The following RBMS3 variants were observed in gnomAD, a reference collection of about 807,000 sequenced individuals.
RBMS3 encodes RNA-binding motif, single-stranded-interacting protein 3.
RBMS3 carries 27 observed loss-of-function variants against 66.8 expected under a neutral mutation model. The observed-to-expected ratio is 0.40, with a 90% CI of 0.30 to 0.56. The LOEUF (loss-of-function observed/expected upper bound fraction) is 0.56. Ranked by LOEUF, RBMS3 falls within the 20% of genes least tolerant of loss-of-function variation. The pLI, the probability that RBMS3 is intolerant of heterozygous loss-of-function variation, is 0.40. For missense variants in RBMS3, 513 were observed against 549.5 expected (o/e 0.93, Z 0.66); for synonymous variants, 188 against 183.0 (o/e 1.03, Z -0.22).
Position 29,446,085 on chromosome 3 carries a change from A to G in RBMS3, c.248+11170A>G, listed in dbSNP as rs6808609. On this transcript the variant is annotated intron_variant, in intron 2 of 14. Coordinates refer to ENST00000383767, the MANE Select transcript of RBMS3 (RefSeq NM_001003793.3). ...ATAATCATATTCTAAGAAGTCCACA[A>G]TTTAAAATCATCCTACTTAAGAAAA... Among the ~76,000 whole-genome samples, 348 of 152,288 alleles carry G rather than the reference A, an allele frequency of 2.3e-3. 2 individuals are homozygous for G. Among genetic ancestry groups the G allele is most frequent in the African/African-American group, 8.1e-3 (336 of 41,584 alleles).
At chr3:29,461,785 A>G (rs552321570) in intron 2 of RBMS3, among the ~76,000 whole-genome samples, 2 of 150,838 alleles carry the variant, frequency 1.3e-5, no homozygotes, top group African/African-American at 2.4e-5. Context: ...ACGGAGTCTC[A>G]CTCTGTCACC....
chr3:29,738,226 A>T (rs1392586256), intron 4 of RBMS3, among the ~76,000 whole-genome samples: 2 of 152,154 alleles, frequency 1.3e-5, no homozygotes, highest in Non-Finnish European at 2.9e-5. Context: ...GTAAATATCT[A>T]ATAATATGAT....
intron 4 of RBMS3, among the ~76,000 whole-genome samples, chr3:29,686,206 C>G (rs2051726154): frequency 6.6e-6 from 1 of 152,140 alleles, no homozygotes; most frequent in Admixed American, 6.5e-5. Flanking sequence ...TTAACCATAT[C>G]TCTATTACTC....
At chr3:29,974,426 A>C (rs1466448105) in intron 12 of RBMS3, among the ~76,000 whole-genome samples, 1 of 151,842 alleles carries the variant, frequency 6.6e-6, no homozygotes, top group African/African-American at 2.4e-5. Flanking sequence ...GTTTTCTGTC[A>C]GTTTTTTAAA....
chr3:29,957,517 G>T (rs1025393708), intron 12 of RBMS3, among the ~76,000 whole-genome samples: 1 of 152,118 alleles, frequency 6.6e-6, no homozygotes, highest in Non-Finnish European at 1.5e-5. Context: ...GGATAGGAAA[G>T]ACTCATGACA....
At chr3:29,797,305 C>T (rs1282798279) in intron 6 of RBMS3, among the ~76,000 whole-genome samples, 1 of 152,218 alleles carries the variant, frequency 6.6e-6, no homozygotes, top group Non-Finnish European at 1.5e-5. Context: ...CCTTAAACCT[C>T]ATGAACCAGA....
At chr3:29,291,844 A>T (rs904641059) in intron 1 of RBMS3, among the ~76,000 whole-genome samples, 3 of 151,546 alleles carry the variant, frequency 2.0e-5, no homozygotes, top group Admixed American at 6.6e-5. Context: ...TATCACTCTC[A>T]CAAGTGGTTG....
intron 10 of RBMS3, among the ~76,000 whole-genome samples, chr3:29,908,563 TAG>T (rs975415372): frequency 7.9e-5 from 12 of 152,138 alleles, no homozygotes; most frequent in Non-Finnish European, 1.6e-4. Context: ...TAAGAATGTA[TAG>T]AGTTTTTAAT....
intron 1 of RBMS3, among the ~76,000 whole-genome samples, chr3:29,379,930 G>A (rs750886504): frequency 2.6e-5 from 4 of 152,104 alleles, no homozygotes; most frequent in Non-Finnish European, 5.9e-5. Flanking sequence ...ACTTAATTTA[G>A]TCAGTATAGT....
chr3:29,323,789 T>A (rs1414173369), intron 1 of RBMS3, among the ~76,000 whole-genome samples: 1 of 151,836 alleles, frequency 6.6e-6, no homozygotes, highest in East Asian at 1.9e-4. Context: ...CTTCATATAA[T>A]TCACACCCCT....
chr3:29,888,342 T>G (rs2059921778), intron 8 of RBMS3, among the ~76,000 whole-genome samples: 1 of 151,690 alleles, frequency 6.6e-6, no homozygotes, highest in African/African-American at 2.4e-5. Flanking sequence ...ATCTCTAATA[T>G]CATGTAATAA....
Position 29,316,035 on chromosome 3 carries a change from T to C in RBMS3, c.75+34279T>C, listed in dbSNP as rs577746798. ...AAATGCTCTGTTGGCTACCTCTTAT[T>C]GGTTTTGATAGGTATTACCGGGGTG... On this transcript the variant is annotated intron_variant, in intron 1 of 14. Transcript: ENST00000383767. Among the ~76,000 whole-genome samples the C allele has an allele frequency of 2.0e-5, 3 of 151,888 alleles. No individual in the cohort carries two copies. In the South Asian group the frequency reaches 6.2e-4, roughly 31 times the overall value.
At chr3:29,298,954 A>G (rs1041631487) in intron 1 of RBMS3, among the ~76,000 whole-genome samples, 1 of 151,856 alleles carries the variant, frequency 6.6e-6, no homozygotes, top group Non-Finnish European at 1.5e-5. Flanking sequence ...CAGGAGTTAT[A>G]ACACGATTCT....
intron 10 of RBMS3, among the ~76,000 whole-genome samples, chr3:29,911,219 C>T (rs1261017171): frequency 6.6e-6 from 1 of 151,946 alleles, no homozygotes; most frequent in Non-Finnish European, 1.5e-5. Flanking sequence ...AGGAAGGGTG[C>T]TCTGAGCAAA....
In RBMS3 at chr3:29,576,336, G is replaced by A. The variant is rs531905257; in HGVS notation, c.308-10778G>A. 3.6e-4 allele frequency among the ~76,000 whole-genome samples: 55 copies of A among 152,130 alleles called. 1 individual carries two copies. The highest frequency in any genetic ancestry group is 2.7e-3 in the Admixed American group (41 of 15,288). On this transcript the variant is annotated intron_variant, in intron 3 of 14. Transcript: ENST00000383767. ...AAACAAATGGAATCTCTGTCTTTGCGCTGAGTCACCTGAAACTGGAGGTGT... is the reference window on the plus strand; with the variant it reads ...AAACAAATGGAATCTCTGTCTTTGCACTGAGTCACCTGAAACTGGAGGTGT...
At chr3:29,710,637 G>A (rs139962601) in intron 4 of RBMS3, among the ~76,000 whole-genome samples, 1,991 of 152,228 alleles carry the variant, frequency 0.013, 27 homozygotes, top group Middle Eastern at 0.041. Context: ...AACATAGTGT[G>A]TTAGTTCAGA....
rs1281253592 is a variant in RBMS3 at position 29,369,542 on chromosome 3, A to AG, written c.76-65198dup. 1.5e-4 allele frequency among the ~76,000 whole-genome samples: 23 copies of AG among 148,704 alleles called. No homozygotes were observed. In the East Asian group the frequency reaches 4.3e-3, roughly 28 times the overall value. On this transcript the variant is annotated intron_variant, in intron 1 of 14. Transcript: ENST00000383767. ...CACACACACACACACACTTTGAGTG[A>AG]GGGTGAGGAGGAGAGAGGGAACAAT...
chr3:29,498,275 G>A (rs946254926), intron 3 of RBMS3, among the ~76,000 whole-genome samples: 9 of 151,748 alleles, frequency 5.9e-5, no homozygotes, highest in East Asian at 5.8e-4. Context: ...GATTACAGGC[G>A]TGAACCACTG....
intron 4 of RBMS3, among the ~76,000 whole-genome samples, chr3:29,671,714 G>A (rs539898340): frequency 4.6e-5 from 7 of 152,090 alleles, no homozygotes; most frequent in African/African-American, 9.7e-5. Context: ...GAAATGAAGC[G>A]AGAAGAGAAG....
Sources: allele counts gnomAD v4.1 joint callset (sites outside exome capture counted in the v4.1 genomes callset), GRCh38; gene constraint gnomAD v4.1.1; transcripts MANE v1.5; gene names NCBI Gene and HGNC (gene_info 2026-07-23, HGNC 2026-07-21).